Variants in INSIG2 observed in about 807,000 individuals in gnomAD.
The protein encoded by INSIG2 is insulin-induced gene 2 protein.
In INSIG2, 10 loss-of-function variants were observed where a neutral mutation model predicts 27.2. That is an observed-to-expected ratio of 0.37 (90% CI 0.23 to 0.62). The LOEUF is 0.62. Ranked by LOEUF, INSIG2 falls within the 20% of genes least tolerant of loss-of-function variation. INSIG2 has a pLI of 0.65. For missense variants in INSIG2, 178 were observed against 270.2 expected, an observed-to-expected ratio of 0.66 and a Z score of 2.39; for synonymous variants, 97 against 95.8, an observed-to-expected ratio of 1.01 and a Z score of -0.07.
rs532071530 is a variant in INSIG2 at position 118,107,253 on chromosome 2, A to C, written c.636+64A>C. 426 of 1,139,134 alleles carry C rather than the reference A, an allele frequency of 3.7e-4. 6 individuals carry two copies. The South Asian group carries it at 5.1e-3, about 14-fold the overall frequency. The allele number at this position is 1,139,134 out of a possible 1,614,324, so 70.6% of individuals were successfully genotyped here. ...AAATGACAAGTTTTCTCTAAAAGGC[A>C]GTCCTTTAAGGGAAAGCAATTTGTG... On this transcript the variant is annotated intron_variant, in intron 5 of 5. Transcript: ENST00000245787.
chr2:118,104,270 A>G (rs1245383203), intron 3 of INSIG2, among the ~76,000 whole-genome samples: 5 of 152,188 alleles, frequency 3.3e-5, no homozygotes, highest in African/African-American at 1.2e-4. Context: ...TGTGTCAAGT[A>G]GACCCCTGTG....
At position 118,089,569 on chromosome 2, in the gene INSIG2, G is replaced by A. The variant is rs1295018188; in HGVS notation, c.-139+1028G>A. ...GATGAAGGGAATGCTACTAATGGGG[G>A]CCCCAAAGAAAACAAAAATCAGACG... On this transcript the variant is annotated intron_variant, in intron 1 of 5. Coordinates refer to ENST00000245787, the MANE Select transcript of INSIG2 (RefSeq NM_016133.4). Among the ~76,000 whole-genome samples, 7 of 151,832 alleles carry A rather than the reference G, an allele frequency of 4.6e-5. No homozygotes were observed. In the East Asian group the frequency reaches 1.2e-3, roughly 25 times the overall value.
chr2:118,089,510 T>A lies in INSIG2; in HGVS notation c.-139+969T>A, dbSNP rs141783992. 2.0e-5 allele frequency among the ~76,000 whole-genome samples: 3 copies of A among 152,224 alleles called. No homozygotes were observed. In the East Asian group the frequency reaches 5.8e-4, roughly 29 times the overall value. On this transcript the variant is annotated intron_variant, in intron 1 of 5. Transcript: ENST00000245787. ...TAGATGGTGTTTTGTAACTTTTGGG[T>A]TTGGCCCTGATAGTGAACCACTGAA...
chr2:118,104,290 A>G (rs1474613612), intron 3 of INSIG2, among the ~76,000 whole-genome samples: 1 of 152,146 alleles, frequency 6.6e-6, no homozygotes, highest in African/African-American at 2.4e-5. Context: ...GTCTTTCCCA[A>G]AAAGTATTGA....
At chr2:118,100,613 C>G (rs1678521177) in intron 2 of INSIG2, among the ~76,000 whole-genome samples, 2 of 151,972 alleles carry the variant, frequency 1.3e-5, no homozygotes, top group South Asian at 2.1e-4. Flanking sequence ...CTCCTGACCT[C>G]GCGATTCGCC....
chr2:118,093,015 T>TGATGAG (rs1553466219), intron 1 of INSIG2, among the ~76,000 whole-genome samples: 3 of 91,986 alleles, frequency 3.3e-5, no homozygotes, highest in Non-Finnish European at 4.7e-5. Context: ...ATGATGATGA[T>TGATGAG]GAGGAGGAGG....
Position 118,106,836 on chromosome 2 carries a change from C to G in INSIG2, c.469C>G (p.Leu157Val). ...TGATAGATCTAGAAGTGGTTTTGGC[C>G]TTGGAGTAGGAATTGCCTTCTTGGC... Reference protein sequence around the residue: ...TFDRSRSGFGLGVGIAFLATV... With the variant: ...TFDRSRSGFGVGVGIAFLATV... The change falls in exon 4 of 6, where the codon CTT (leucine) becomes GTT (valine). Residue 157 changes from leucine (L) to valine (V), a missense_variant. Leu to Val is a conservative substitution (Grantham distance 32). Coordinates refer to ENST00000245787, the MANE Select transcript of INSIG2 (RefSeq NM_016133.4). 1 of 1,614,062 alleles carries G rather than the reference C, an allele frequency of 6.2e-7. No individual in the cohort carries two copies. Among genetic ancestry groups the G allele is most frequent in the Non-Finnish European group, 8.5e-7 (1 of 1,179,972 alleles).
In INSIG2 at chr2:118,103,408, T is replaced by G. The variant is rs1369239838; in HGVS notation, c.369+87T>G. On this transcript the variant is annotated intron_variant, in intron 3 of 5. Coordinates refer to ENST00000245787, the MANE Select transcript of INSIG2 (RefSeq NM_016133.4). Reference sequence around the variant, plus strand: ...AAACAGCCCCTTACAACTTCACTGTTGTCAAATTATGATATGCCCACTTAG... The same window carrying G: ...AAACAGCCCCTTACAACTTCACTGTGGTCAAATTATGATATGCCCACTTAG... The G allele has an allele frequency of 5.2e-6, 6 of 1,164,026 alleles. No individual in the cohort carries two copies. The East Asian group carries it at 1.4e-4, about 28-fold the overall frequency. The allele number at this position is 1,164,026 out of a possible 1,614,324, so 72.1% of individuals were successfully genotyped here.
intron 2 of INSIG2, among the ~76,000 whole-genome samples, chr2:118,102,282 T>G (rs1460663166): frequency 6.6e-6 from 1 of 152,220 alleles, no homozygotes; most frequent in East Asian, 1.9e-4. Context: ...TTAAAATTCC[T>G]TCCCACTAAA....
Position 118,097,114 on chromosome 2 carries a change from T to A in INSIG2, c.244+314T>A, listed in dbSNP as rs189858657. 7.9e-5 allele frequency among the ~76,000 whole-genome samples: 12 copies of A among 152,292 alleles called. No individual in the cohort carries two copies. In the East Asian group the frequency reaches 2.3e-3, roughly 29 times the overall value. ...GCTTTCTGTTGCCATAAATTATTTA[T>A]CTCTGTTCTAGAATGCAATATAAAT... On this transcript the variant is annotated intron_variant, in intron 2 of 5. Transcript: ENST00000245787.
intron 5 of INSIG2, 48 bp from the exon 6 acceptor site, chr2:118,108,233 C>G: frequency 7.7e-7 from 1 of 1,298,586 alleles, no homozygotes; most frequent in South Asian, 1.3e-5. Flanking sequence ...AGTTGCTATT[C>G]AAAAGAAGTC....
intron 1 of INSIG2, among the ~76,000 whole-genome samples, chr2:118,093,363 AGATGAT>A (rs759143406): frequency 0.34 from 501 of 1,462 alleles, 240 homozygotes; most frequent in Non-Finnish European, 0.87. Flanking sequence ...AAAAGCAACC[AGATGAT>A]GATGATGATG....
At chr2:118,093,800 G>T (rs1382820814) in intron 1 of INSIG2, among the ~76,000 whole-genome samples, 2 of 106,742 alleles carry the variant, frequency 1.9e-5, no homozygotes, top group Non-Finnish European at 4.1e-5. Flanking sequence ...TGATGTTGAT[G>T]ATGATGAAGG....
chr2:118,104,537 G>A (rs543665370), intron 3 of INSIG2, among the ~76,000 whole-genome samples: 11 of 152,100 alleles, frequency 7.2e-5, no homozygotes, highest in Non-Finnish European at 1.5e-4. Flanking sequence ...GTGGTCAGGA[G>A]GGCTTAAAAA....
At chr2:118,103,426 C>T in intron 3 of INSIG2, 105 bp downstream of exon 3, 1 of 920,788 alleles carries the variant, frequency 1.1e-6, no homozygotes. Flanking sequence ...TATGATATGC[C>T]CACTTAGTCA....
rs544382799 is a variant in INSIG2 at position 118,102,921 on chromosome 2, T to C, written c.245-276T>C. The stretch of plus-strand genomic sequence containing the variant: ...GAATCATTTAGTCCAGTCTGCTAAA[T>C]TGTGAATCATACATTTGAAGAGTAT... On this transcript the variant is annotated intron_variant, in intron 2 of 5. Transcript: ENST00000245787. 8.1e-4 allele frequency among the ~76,000 whole-genome samples: 124 copies of C among 152,354 alleles called. 1 individual carries two copies. Among genetic ancestry groups the C allele is most frequent in the African/African-American group, 2.9e-3 (120 of 41,590 alleles).
intron 2 of INSIG2, among the ~76,000 whole-genome samples, chr2:118,098,982 G>A (rs1031221875): frequency 2.0e-5 from 3 of 152,210 alleles, no homozygotes; most frequent in African/African-American, 7.2e-5. Flanking sequence ...AAGTCATGGT[G>A]TTTAGTAGAT....
At chr2:118,090,462 C>T (rs1407972240) in intron 1 of INSIG2, among the ~76,000 whole-genome samples, 1 of 152,134 alleles carries the variant, frequency 6.6e-6, no homozygotes, top group Non-Finnish European at 1.5e-5. Flanking sequence ...ACTTATAACT[C>T]TTTTTTAACC....
At chr2:118,106,545 T>C (rs970864276) in intron 3 of INSIG2, 192 bp from the exon 4 acceptor site, 3 of 515,082 alleles carry the variant, frequency 5.8e-6, no homozygotes, top group Non-Finnish European at 1.0e-5. Context: ...GTCTTTTGTG[T>C]ATCTGGTATT....
Sources: gnomAD v4.1 joint callset for allele counts (sites outside exome capture counted in the v4.1 genomes callset) on GRCh38, gnomAD v4.1.1 for gene constraint, MANE v1.5 for transcripts, NCBI Gene and HGNC (gene_info 2026-07-23, HGNC 2026-07-21) for gene names.